THSD7A: variants seen among roughly 807,000 people sequenced by gnomAD.
THSD7A encodes thrombospondin type 1 domain containing 7A.
THSD7A carries 96 observed loss-of-function variants against 231.3 expected under a neutral mutation model. The ratio of observed to expected loss-of-function variants is 0.41; its 90% CI spans 0.35 to 0.49. The LOEUF is 0.49. THSD7A is among the 20% of genes least tolerant of loss of function. THSD7A has a pLI of 0.05. For synonymous variants in THSD7A, 940 were observed against 743.3 expected, an observed-to-expected ratio of 1.26 and a Z score of -4.30; for missense variants, 2,290 against 2,070.2, an observed-to-expected ratio of 1.11 and a Z score of -2.06.
At chr7:11,493,077 C>T (rs1295419387) in intron 6 of THSD7A, among the ~76,000 whole-genome samples, 1 of 152,122 alleles carries the variant, frequency 6.6e-6, no homozygotes, top group Non-Finnish European at 1.5e-5. Context: ...TGAAAAGTTG[C>T]TCAGGGCTGT....
At chr7:11,811,834 A>G (rs1484989378) in intron 1 of THSD7A, among the ~76,000 whole-genome samples, 1 of 152,194 alleles carries the variant, frequency 6.6e-6, no homozygotes, top group Non-Finnish European at 1.5e-5. Context: ...AGAAAAGGAA[A>G]ACTACAGCTG....
At chr7:11,785,952 C>A (rs962327416) in intron 1 of THSD7A, among the ~76,000 whole-genome samples, 1 of 152,122 alleles carries the variant, frequency 6.6e-6, no homozygotes, top group African/African-American at 2.4e-5. Context: ...CCCTATAGAT[C>A]TCATTTCCTA....
chr7:11,446,232 G>T lies in THSD7A; in HGVS notation c.2893C>A (p.Pro965Thr). 6.2e-7 allele frequency: 1 copy of T among 1,613,444 alleles called. No homozygotes were observed. Among genetic ancestry groups the T allele is most frequent in the Non-Finnish European group, 8.5e-7 (1 of 1,179,612 alleles). The change falls in exon 13 of 28, where the codon CCT becomes ACT. Residue 965 changes from proline to threonine, a missense_variant. Pro to Thr is a conservative substitution (Grantham distance 38). Coordinates refer to ENST00000423059, the MANE Select transcript of THSD7A (RefSeq NM_015204.3). The surrounding 1 kb of genome is among the most constrained non-coding windows in gnomAD (Gnocchi z 4.0). ...YCPCDKYNAQ[P>T]VGNWSDCILP... ...ATACAGTCTGACCAGTTCCCCACAG[G>T]TTGTGCATTATATTTGTCACAAGGA...
At chr7:11,493,241 G>A (rs1489786743) in intron 6 of THSD7A, among the ~76,000 whole-genome samples, 1 of 152,102 alleles carries the variant, frequency 6.6e-6, no homozygotes. Flanking sequence ...AAGGCAGAGA[G>A]TTCTATAAAA....
chr7:11,806,948 G>T (rs7798977), intron 1 of THSD7A, among the ~76,000 whole-genome samples: 127,429 of 152,078 alleles, frequency 0.84, 53,695 homozygotes, highest in African/African-American at 0.92. Context: ...AAATACTGAA[G>T]GCAGCATTTT....
In THSD7A at chr7:11,793,814, G is replaced by A. The variant is rs371526346; in HGVS notation, c.190+37943C>T. On this transcript the variant is annotated intron_variant, in intron 1 of 27. Transcript: ENST00000423059. ...ATGCTTAATGTTGGCATGTTGCTTT[G>A]GACTTCCAATGTGGGTGTTTTATTT... Among the ~76,000 whole-genome samples, 46 of 151,882 alleles carry A rather than the reference G, an allele frequency of 3.0e-4. No homozygotes were observed. In the South Asian group the frequency reaches 9.3e-3, roughly 31 times the overall value.
chr7:11,603,799 A>G (rs1341105977), intron 2 of THSD7A, among the ~76,000 whole-genome samples: 1 of 148,758 alleles, frequency 6.7e-6, no homozygotes, highest in Non-Finnish European at 1.5e-5. Context: ...AACACCGCAT[A>G]TTCTCACTCA....
At chr7:11,810,297 C>A (rs1355805629) in intron 1 of THSD7A, among the ~76,000 whole-genome samples, 1 of 152,138 alleles carries the variant, frequency 6.6e-6, no homozygotes, top group South Asian at 2.1e-4. Context: ...TCATCTCTCA[C>A]CTCTCAGAGT....
At chr7:11,488,984 G>A (rs989644214) in intron 6 of THSD7A, among the ~76,000 whole-genome samples, 2 of 152,202 alleles carry the variant, frequency 1.3e-5, no homozygotes, top group South Asian at 2.1e-4. Context: ...AAATGCCCCA[G>A]ATGGAGTTGT....
Position 11,462,023 on chromosome 7 carries a change from C to T in THSD7A, c.2489G>A (p.Cys830Tyr). The T allele has an allele frequency of 6.2e-7, 1 of 1,613,320 alleles. No individual in the cohort carries two copies. The highest frequency in any genetic ancestry group is 8.5e-7 in the Non-Finnish European group (1 of 1,179,434). Residue 830 changes from cysteine (C) to tyrosine (Y), a missense_variant, in exon 10 of 28, where the codon TGC (cysteine) becomes TAC (tyrosine). Coordinates refer to ENST00000423059, the MANE Select transcript of THSD7A (RefSeq NM_015204.3). ...TCTCTAACCCTACCTGTAGCTTTGG[C>T]ACGCTTGAGGTGCCTCACAGGCCTT... ...EEKACEAPQA[C>Y]QSYRWKTHKW... is the part of the protein sequence containing the mutation.
intron 13 of THSD7A, among the ~76,000 whole-genome samples, chr7:11,436,196 A>C (rs925506860): frequency 6.6e-6 from 1 of 152,064 alleles, no homozygotes; most frequent in Non-Finnish European, 1.5e-5. Context: ...CAGGAATACA[A>C]ACATATTTGA....
intron 2 of THSD7A, among the ~76,000 whole-genome samples, chr7:11,600,652 A>T (rs547827398): frequency 1.8e-4 from 27 of 152,304 alleles, no homozygotes; most frequent in Non-Finnish European, 4.4e-5. Flanking sequence ...TTTACAAGAC[A>T]CAGGGAGCTC....
intron 6 of THSD7A, among the ~76,000 whole-genome samples, chr7:11,522,947 T>C (rs1432797549): frequency 6.6e-6 from 1 of 152,154 alleles, no homozygotes; most frequent in South Asian, 2.1e-4. Flanking sequence ...ATTTTATAAG[T>C]GTCTGTAGAA....
At chr7:11,396,336 A>C (rs544851454) in intron 23 of THSD7A, among the ~76,000 whole-genome samples, 3 of 152,320 alleles carry the variant, frequency 2.0e-5, no homozygotes, top group East Asian at 3.9e-4. Flanking sequence ...TAAAAAAATC[A>C]ATCAAGGAGC....
intron 4 of THSD7A, among the ~76,000 whole-genome samples, chr7:11,581,736 A>C (rs1317128051): frequency 2.6e-5 from 4 of 152,072 alleles, no homozygotes; most frequent in African/African-American, 7.2e-5. Context: ...GTTCTATCAA[A>C]TGCCATTTAA....
intron 13 of THSD7A, among the ~76,000 whole-genome samples, chr7:11,432,194 C>T (rs1784496616): frequency 6.6e-6 from 1 of 152,070 alleles, no homozygotes; most frequent in Admixed American, 6.6e-5. Flanking sequence ...TCAGGTTTCA[C>T]AAGCTTTACT....
At chr7:11,748,759 A>T (rs1329310109) in intron 1 of THSD7A, among the ~76,000 whole-genome samples, 1 of 152,100 alleles carries the variant, frequency 6.6e-6, no homozygotes, top group East Asian at 1.9e-4. Flanking sequence ...TTTTAAAAAT[A>T]TTTTCTTATA....
intron 2 of THSD7A, among the ~76,000 whole-genome samples, chr7:11,630,908 G>C (rs1202986170): frequency 6.6e-6 from 1 of 152,196 alleles, no homozygotes; most frequent in Non-Finnish European, 1.5e-5. Flanking sequence ...GGATGCAATG[G>C]CAATCACAGG....
intron 1 of THSD7A, among the ~76,000 whole-genome samples, chr7:11,666,129 A>ACCTAC (rs1340058952): frequency 1.2e-4 from 19 of 152,132 alleles, no homozygotes; most frequent in Non-Finnish European, 2.6e-4. Flanking sequence ...GTAGGTGTTC[A>ACCTAC]AGTGTCAGAT....
Sources: allele counts gnomAD v4.1 joint callset (sites outside exome capture counted in the v4.1 genomes callset), GRCh38; gene constraint gnomAD v4.1.1; non-coding constraint Gnocchi (gnomAD v3.1); transcripts MANE v1.5; gene names NCBI Gene and HGNC (gene_info 2026-07-23, HGNC 2026-07-21).